The following ZFPM2 variants were observed in gnomAD, a reference collection of about 807,000 sequenced individuals.
The protein encoded by ZFPM2 is zinc finger protein, FOG family member 2, also known as zinc finger protein ZFPM2.
In ZFPM2, 20 loss-of-function variants were observed where a neutral mutation model predicts 98.6. The observed-to-expected ratio is 0.20, with a 90% CI of 0.14 to 0.29. The LOEUF (loss-of-function observed/expected upper bound fraction) is 0.29. Among genes scored for constraint, ZFPM2 ranks in the 10% least tolerant of loss-of-function variants. The pLI, the probability that ZFPM2 is intolerant of heterozygous loss-of-function variation, is 1.00. For synonymous variants in ZFPM2, 518 were observed against 502.7 expected (o/e 1.03, Z -0.41); for missense variants, 1,310 against 1,388.6 (o/e 0.94, Z 0.90).
At chr8:105,626,465 T>G (rs1485844523) in intron 4 of ZFPM2, among the ~76,000 whole-genome samples, 3 of 152,176 alleles carry the variant, frequency 2.0e-5, no homozygotes. Context: ...CTGAAACTTT[T>G]GCTGTGTAAA....
intron 4 of ZFPM2, among the ~76,000 whole-genome samples, chr8:105,578,352 A>G (rs1815513198): frequency 6.6e-6 from 1 of 152,062 alleles, no homozygotes; most frequent in South Asian, 2.1e-4. Flanking sequence ...AGTACAGACT[A>G]TTTTAGCTAA....
At chr8:105,598,935 G>A (rs1187763394) in intron 4 of ZFPM2, among the ~76,000 whole-genome samples, 2 of 152,138 alleles carry the variant, frequency 1.3e-5, no homozygotes, top group African/African-American at 4.8e-5. Flanking sequence ...ATAATTAACA[G>A]CAAGACACTG....
chr8:105,596,076 T>C (rs753396954), intron 4 of ZFPM2, among the ~76,000 whole-genome samples: 1 of 151,732 alleles, frequency 6.6e-6, no homozygotes, highest in Non-Finnish European at 1.5e-5. Context: ...ATAAAGTGTT[T>C]TGTTATTTAG....
chr8:105,332,538 A>C (rs1029157685), intron 1 of ZFPM2, among the ~76,000 whole-genome samples: 1 of 151,796 alleles, frequency 6.6e-6, no homozygotes, highest in Admixed American at 6.6e-5. Context: ...TTTAATATTC[A>C]ATAAACAAAC....
intron 3 of ZFPM2, among the ~76,000 whole-genome samples, chr8:105,527,423 A>G (rs1352207866): frequency 6.6e-6 from 1 of 152,228 alleles, no homozygotes; most frequent in African/African-American, 2.4e-5. Context: ...CAAAGAGTGG[A>G]TAACTATATG....
At chr8:105,523,591 C>T (rs1204338719) in intron 3 of ZFPM2, among the ~76,000 whole-genome samples, 1 of 152,142 alleles carries the variant, frequency 6.6e-6, no homozygotes, top group South Asian at 2.1e-4. Context: ...GAAGTAAATC[C>T]TCTGAAAGAG....
intron 1 of ZFPM2, among the ~76,000 whole-genome samples, chr8:105,414,210 T>C (rs1163116032): frequency 6.6e-6 from 1 of 152,048 alleles, no homozygotes; most frequent in Non-Finnish European, 1.5e-5. Context: ...GTATAATACA[T>C]TAATGCCAAT....
At chr8:105,370,735 A>G (rs1169564462) in intron 1 of ZFPM2, among the ~76,000 whole-genome samples, 2 of 152,234 alleles carry the variant, frequency 1.3e-5, no homozygotes, top group Non-Finnish European at 2.9e-5. Flanking sequence ...AAGTTTTTAT[A>G]TGAATTGTTT....
At chr8:105,794,101 G>A (rs1190397997) in intron 6 of ZFPM2, among the ~76,000 whole-genome samples, 1 of 152,176 alleles carries the variant, frequency 6.6e-6, no homozygotes, top group Admixed American at 6.5e-5. Flanking sequence ...GTCCAGCTTT[G>A]TTCCATTGCT....
intron 3 of ZFPM2, among the ~76,000 whole-genome samples, chr8:105,489,466 A>ATATATTT (rs1554610604): frequency 1.7e-5 from 2 of 119,808 alleles, no homozygotes; most frequent in African/African-American, 7.2e-5. Context: ...ATATATATAT[A>ATATATTT]TTTTTTTTTT....
At chr8:105,436,054 G>A (rs1235962235) in intron 2 of ZFPM2, among the ~76,000 whole-genome samples, 2 of 152,172 alleles carry the variant, frequency 1.3e-5, no homozygotes, top group African/African-American at 4.8e-5. Context: ...TGATATTGCA[G>A]TAAGTTATGG....
intron 4 of ZFPM2, among the ~76,000 whole-genome samples, chr8:105,629,713 C>A (rs1816721825): frequency 6.6e-6 from 1 of 152,164 alleles, no homozygotes; most frequent in Non-Finnish European, 1.5e-5. Flanking sequence ...TGTTGTAGAG[C>A]TGAAGTTCCT....
chr8:105,563,982 A>T (rs1317388696), intron 4 of ZFPM2, among the ~76,000 whole-genome samples: 3 of 152,252 alleles, frequency 2.0e-5, no homozygotes, highest in African/African-American at 7.2e-5. Flanking sequence ...GTATGTATAC[A>T]GAATGGTAGT....
intron 5 of ZFPM2, among the ~76,000 whole-genome samples, chr8:105,660,288 A>T (rs16873456): frequency 0.041 from 6,185 of 152,154 alleles, 159 homozygotes; most frequent in Admixed American, 0.077. Context: ...CCAGAGGGGA[A>T]AACCTTCCTG....
At chr8:105,778,678 T>C (rs1199720651) in intron 5 of ZFPM2, among the ~76,000 whole-genome samples, 1 of 152,184 alleles carries the variant, frequency 6.6e-6, no homozygotes, top group Non-Finnish European at 1.5e-5. Context: ...GTGGAGGAGA[T>C]AGACTTTTTA....
At chr8:105,674,721 GA>G (rs1198037610) in intron 5 of ZFPM2, among the ~76,000 whole-genome samples, 2 of 152,120 alleles carry the variant, frequency 1.3e-5, no homozygotes, top group Admixed American at 6.6e-5. Context: ...GGTCTTTTGT[GA>G]AATTGTAGTT....
intron 1 of ZFPM2, among the ~76,000 whole-genome samples, chr8:105,340,462 C>T (rs531203303): frequency 6.6e-6 from 1 of 151,944 alleles, no homozygotes; most frequent in South Asian, 2.1e-4. Flanking sequence ...ACATTTTTGA[C>T]TAATTTTAAG....
chr8:105,463,167 T>G (rs1033908791), intron 3 of ZFPM2, among the ~76,000 whole-genome samples: 3 of 152,040 alleles, frequency 2.0e-5, no homozygotes. Flanking sequence ...AATATAATTT[T>G]AAGCTTCCTT....
rs1204221704 is a variant in ZFPM2, at chr8:105,799,393, T to G, written c.964+445T>G. Among the ~76,000 whole-genome samples the G allele has an allele frequency of 4.6e-5, 7 of 152,314 alleles. No homozygotes were observed. The South Asian group carries it at 1.5e-3, about 32-fold the overall frequency. ...ACTCTATTGATAGATCTAATTAAAA[T>G]TACAGTTCAGGGATGTTTACTTTTA... On this transcript the variant is annotated intron_variant, in intron 7 of 7. Transcript: ENST00000407775.
Sources: gnomAD v4.1 joint callset for allele counts (sites outside exome capture counted in the v4.1 genomes callset) on GRCh38, gnomAD v4.1.1 for gene constraint, MANE v1.5 for transcripts, NCBI Gene and HGNC (gene_info 2026-07-23, HGNC 2026-07-21) for gene names.